The following SHISA9 variants were observed in gnomAD, a reference collection of about 807,000 sequenced individuals.
SHISA9 encodes the protein shisa family member 9, also known as protein shisa-9.
SHISA9 carries 13 observed loss-of-function variants against 38.0 expected under a neutral mutation model. That is an observed-to-expected ratio of 0.34 (90% CI 0.22 to 0.54). SHISA9 has a LOEUF of 0.54. Among genes scored for constraint, SHISA9 ranks in the 20% least tolerant of loss-of-function variants. The pLI is 0.91. For missense variants in SHISA9, 538 were observed against 575.8 expected (o/e 0.93, Z 0.67); for synonymous variants, 275 against 242.0 (o/e 1.14, Z -1.27).
At chr16:13,185,063 C>T (rs1449498038) in intron 2 of SHISA9, among the ~76,000 whole-genome samples, 1 of 152,148 alleles carries the variant, frequency 6.6e-6, no homozygotes, top group Non-Finnish European at 1.5e-5. Flanking sequence ...GTTTCACTTG[C>T]TACATATCCT....
the SHISA9 span, among the ~76,000 whole-genome samples, chr16:13,409,028 C>G: frequency 1.3e-5 from 2 of 152,182 alleles, no homozygotes. Flanking sequence ...CGTATAAACC[C>G]TGAACCCCAG....
Position 13,230,951 on chromosome 16 carries a change from G to T in SHISA9, c.896-4079G>T, listed in dbSNP as rs1484227994. Among the ~76,000 whole-genome samples, 3 of 152,248 alleles carry T rather than the reference G, an allele frequency of 2.0e-5. No individual in the cohort carries two copies. In the East Asian group the frequency reaches 5.8e-4, roughly 29 times the overall value. On this transcript the variant is annotated intron_variant, in intron 4 of 4. Coordinates refer to ENST00000558583, the MANE Select transcript of SHISA9 (RefSeq NM_001145204.3). ...AGAGGTTACTCTCATGGCCATTTTG[G>T]TTTTGGTGGGTTTTGGTCAGCTTCT...
chr16:12,927,630 A>G (rs72782644), intron 2 of SHISA9, among the ~76,000 whole-genome samples: 17 of 148,822 alleles, frequency 1.1e-4, no homozygotes, highest in Non-Finnish European at 2.2e-4. Context: ...ACTGAGCTCG[A>G]GCTCCTGGAC....
chr16:13,142,181 G>C (rs1321955689), intron 2 of SHISA9, among the ~76,000 whole-genome samples: 1 of 152,146 alleles, frequency 6.6e-6, no homozygotes, highest in African/African-American at 2.4e-5. Flanking sequence ...GTCTACGTGT[G>C]GACTGGGCGA....
chr16:12,909,270 T>G, intron 1 of SHISA9: 1 of 985,126 alleles, frequency 1.0e-6, no homozygotes, highest in Non-Finnish European at 1.2e-6. Context: ...GTGTGTAGTT[T>G]GATGAGCTTG....
intron 2 of SHISA9, among the ~76,000 whole-genome samples, chr16:13,100,263 A>G (rs1385092749): frequency 1.3e-5 from 2 of 152,242 alleles, no homozygotes; most frequent in Admixed American, 1.3e-4. Context: ...TTTGGCAAGC[A>G]TACACCCAGT....
intron 2 of SHISA9, among the ~76,000 whole-genome samples, chr16:13,170,158 G>A (rs906631398): frequency 6.1e-5 from 9 of 148,500 alleles, no homozygotes; most frequent in East Asian, 4.0e-4. Flanking sequence ...AGCTGAGATC[G>A]TGCCATTGCA....
chr16:13,430,773 G>GC, the SHISA9 span, among the ~76,000 whole-genome samples: 2,252 of 151,758 alleles, frequency 0.015, 56 homozygotes, highest in African/African-American at 0.05. Flanking sequence ...GTTTTGATTA[G>GC]CTGAGGGTGG....
chr16:13,068,999 T>C lies in SHISA9; in HGVS notation c.692-134395T>C, dbSNP rs146641731. Among the ~76,000 whole-genome samples, 373 of 152,140 alleles carry C rather than the reference T, an allele frequency of 2.5e-3. 5 individuals are homozygous for C. Among genetic ancestry groups the C allele is most frequent in the Admixed American group, 0.02 (310 of 15,290 alleles). On this transcript the variant is annotated intron_variant, in intron 2 of 4. Transcript: ENST00000558583. ...TATATGTGTGTACATGCAATGTGTG[T>C]ATGTGCGTATGCATACATATAAATG...
intron 2 of SHISA9, among the ~76,000 whole-genome samples, chr16:12,936,351 G>T (rs955100553): frequency 3.3e-5 from 5 of 152,198 alleles, no homozygotes; most frequent in African/African-American, 9.7e-5. Flanking sequence ...TGGAGTAGGA[G>T]CCAGGTTGGT....
chr16:13,129,674 T>C (rs1410032231), intron 2 of SHISA9, among the ~76,000 whole-genome samples: 1 of 152,170 alleles, frequency 6.6e-6, no homozygotes, highest in Non-Finnish European at 1.5e-5. Context: ...TGTGTTCACA[T>C]GGCTTTCTTT....
intron 2 of SHISA9, among the ~76,000 whole-genome samples, chr16:13,049,549 G>C (rs2073226979): frequency 6.6e-6 from 1 of 152,170 alleles, no homozygotes; most frequent in Non-Finnish European, 1.5e-5. Flanking sequence ...TGATAGTGGT[G>C]ATGGAGTAGG....
chr16:13,198,093 G>T (rs203322), intron 2 of SHISA9, among the ~76,000 whole-genome samples: 9,128 of 152,148 alleles, frequency 0.06, 455 homozygotes, highest in South Asian at 0.23. Context: ...GCTGAGGCAG[G>T]AGAATCACTT....
intron 2 of SHISA9, among the ~76,000 whole-genome samples, chr16:13,127,525 A>G (rs1596667278): frequency 6.6e-6 from 1 of 152,098 alleles, no homozygotes; most frequent in Non-Finnish European, 1.5e-5. Context: ...GAATAAAGGA[A>G]GAAAAGTAAA....
intron 2 of SHISA9, among the ~76,000 whole-genome samples, chr16:12,966,473 T>G (rs2141800884): frequency 6.6e-6 from 1 of 152,322 alleles, no homozygotes; most frequent in South Asian, 2.1e-4. Context: ...CAGGCTGGTC[T>G]CGAACTCCTG....
the SHISA9 span, among the ~76,000 whole-genome samples, chr16:13,309,061 A>G: frequency 6.6e-6 from 1 of 152,168 alleles, no homozygotes; most frequent in Non-Finnish European, 1.5e-5. Context: ...GTATAGGAAG[A>G]GTGTCTTTAA....
the SHISA9 span, among the ~76,000 whole-genome samples, chr16:13,415,564 T>G: frequency 2.9e-4 from 44 of 152,280 alleles, no homozygotes; most frequent in East Asian, 7.3e-3. Context: ...ATAACCAACC[T>G]GCACACATAC....
the SHISA9 span, among the ~76,000 whole-genome samples, chr16:13,393,647 C>G: frequency 2.6e-5 from 4 of 152,132 alleles, no homozygotes; most frequent in African/African-American, 9.7e-5. Flanking sequence ...GGGACGTTGG[C>G]TAGAGAATGG....
At chr16:12,988,802 G>A (rs557436906) in intron 2 of SHISA9, among the ~76,000 whole-genome samples, 1 of 152,184 alleles carries the variant, frequency 6.6e-6, no homozygotes, top group South Asian at 2.1e-4. Flanking sequence ...TGGGATTACA[G>A]GTGTGAGCCC....
Sources: gnomAD v4.1 joint callset for allele counts (sites outside exome capture counted in the v4.1 genomes callset) on GRCh38, gnomAD v4.1.1 for gene constraint, MANE v1.5 for transcripts, NCBI Gene and HGNC (gene_info 2026-07-23, HGNC 2026-07-21) for gene names.